SCUBE1: variants seen among roughly 807,000 people sequenced by gnomAD.
SCUBE1 encodes signal peptide, CUB domain and EGF like domain containing 1.
Under a neutral mutation model 124.4 loss-of-function variants are expected in SCUBE1, and 59 were observed. That is an observed-to-expected ratio of 0.47 (90% CI 0.38 to 0.59). SCUBE1 has a LOEUF of 0.59. Among genes scored for constraint, SCUBE1 ranks in the 20% least tolerant of loss-of-function variants. The probability of loss-of-function intolerance (pLI) is 0.00; values close to 1 mark genes in which losing one functional copy is unlikely to be tolerated. For missense variants in SCUBE1, 1,150 were observed against 1,371.2 expected (o/e 0.84, Z 2.55); for synonymous variants, 545 against 550.9 (o/e 0.99, Z 0.15).
At chr22:43,279,653 T>C (rs532125626) in intron 4 of SCUBE1, among the ~76,000 whole-genome samples, 1 of 152,344 alleles carries the variant, frequency 6.6e-6, no homozygotes, top group South Asian at 2.1e-4. Flanking sequence ...CAATCTTTTT[T>C]GCTGACTGAT....
intron 8 of SCUBE1, among the ~76,000 whole-genome samples, chr22:43,229,545 G>T (rs1423307810): frequency 1.3e-5 from 2 of 152,152 alleles, no homozygotes; most frequent in African/African-American, 4.8e-5. Flanking sequence ...TGCAGGAAAC[G>T]GACTGCAGCT....
rs1269057586 is a variant in SCUBE1 at position 43,258,130 on chromosome 22, C to T, written c.727+89G>A. The T allele has an allele frequency of 1.3e-5, 12 of 905,298 alleles. No individual in the cohort carries two copies. Among genetic ancestry groups the T allele is most frequent in the South Asian group, 2.6e-5 (2 of 75,812 alleles). 56.1% of individuals were successfully genotyped at this position (905,298 alleles called of 1,614,324 possible). A position where few individuals can be genotyped will look rare whatever the true frequency, so the allele number is the denominator to read the frequency against. ...GAAGCTTCCTTCCGGGGAACCCGGACGTGGCAGGGTGCTGGCCCTGCTGGT... is the reference window on the plus strand; with the variant it reads ...GAAGCTTCCTTCCGGGGAACCCGGATGTGGCAGGGTGCTGGCCCTGCTGGT... On this transcript the variant is annotated intron_variant, in intron 6 of 21. Transcript: ENST00000360835. The surrounding 1 kb of genome is among the most constrained non-coding windows in gnomAD (Gnocchi z 5.0).
At chr22:43,337,491 G>A (rs1401603408) in intron 2 of SCUBE1, among the ~76,000 whole-genome samples, 5 of 152,164 alleles carry the variant, frequency 3.3e-5, no homozygotes, top group South Asian at 2.1e-4. Flanking sequence ...TCGAACCAGC[G>A]AGCTAACCTC....
intron 1 of SCUBE1, among the ~76,000 whole-genome samples, chr22:43,342,205 AC>A (rs1845018567): frequency 8.0e-6 from 1 of 125,256 alleles, no homozygotes; most frequent in Non-Finnish European, 1.6e-5. Flanking sequence ...GGAGAATGTG[AC>A]TCCAGCTTTT....
At position 43,343,276 on chromosome 22, in the gene SCUBE1, C is replaced by T; in HGVS notation, c.-15G>A. ...GCCGCGCCCATGCTCAATGCGGGCC[C>T]CGCTGGGCGTGCGGGCGTGCGGGGC... is the stretch of plus-strand genomic sequence containing the variant. On this transcript the variant is annotated 5_prime_UTR_variant, in exon 1 of 22. Transcript: ENST00000360835. 9.0e-7 allele frequency: 1 copy of T among 1,112,214 alleles called. No individual in the cohort carries two copies. Among genetic ancestry groups the T allele is most frequent in the Non-Finnish European group, 1.1e-6 (1 of 913,986 alleles). 68.9% of individuals were successfully genotyped at this position (1,112,214 alleles called of 1,614,324 possible).
At chr22:43,274,067 G>C (rs1229162066) in intron 4 of SCUBE1, among the ~76,000 whole-genome samples, 1 of 151,924 alleles carries the variant, frequency 6.6e-6, no homozygotes, top group Admixed American at 6.6e-5. Context: ...AAATTTCCCA[G>C]GCTGGTCACT....
intron 19 of SCUBE1, among the ~76,000 whole-genome samples, chr22:43,209,495 G>A (rs1160223204): frequency 6.6e-6 from 1 of 152,206 alleles, no homozygotes; most frequent in African/African-American, 2.4e-5. Context: ...CCTCTCTCAT[G>A]CCATTCCATC....
chr22:43,222,713 C>CG lies in SCUBE1; in HGVS notation c.1356dup (p.Gly453ArgfsTer77), dbSNP rs1569499857. 1 of 1,605,812 alleles carries CG rather than the reference C, an allele frequency of 6.2e-7. No homozygotes were observed. Among genetic ancestry groups the CG allele is most frequent in the Non-Finnish European group, 8.5e-7 (1 of 1,176,438 alleles). On this transcript the variant is annotated frameshift_variant, in exon 12 of 22. Transcript: ENST00000360835. LOFTEE classifies it high-confidence loss of function. ...GCCTTGCCCTGCGGCCCTGGAACTC[C>CG]GCAGCTCAGGACGTAGCTATTTTCC...
intron 4 of SCUBE1, among the ~76,000 whole-genome samples, chr22:43,271,172 T>G (rs1264226460): frequency 6.6e-6 from 1 of 151,876 alleles, no homozygotes; most frequent in African/African-American, 2.4e-5. Context: ...TCTCCACAAG[T>G]GCCTAGGTTG....
At chr22:43,306,668 C>T (rs1239993147) in intron 3 of SCUBE1, among the ~76,000 whole-genome samples, 1 of 152,262 alleles carries the variant, frequency 6.6e-6, no homozygotes. Flanking sequence ...CCACCATGTG[C>T]CACCTTCCTT....
At chr22:43,331,891 C>T (rs146161905) in intron 2 of SCUBE1, among the ~76,000 whole-genome samples, 56 of 152,164 alleles carry the variant, frequency 3.7e-4, no homozygotes, top group Admixed American at 1.7e-3. Flanking sequence ...CTTAGTTAAA[C>T]GGAGAGGCAA....
At chr22:43,283,639 T>A (rs1223899214) in intron 4 of SCUBE1, 2 of 152,220 alleles carry the variant, frequency 1.3e-5, no homozygotes, top group African/African-American at 4.8e-5. Flanking sequence ...TGGATCCGTA[T>A]GTCATAAATG....
At chr22:43,299,552 T>G (rs1288771368) in intron 3 of SCUBE1, among the ~76,000 whole-genome samples, 1 of 152,188 alleles carries the variant, frequency 6.6e-6, no homozygotes, top group Non-Finnish European at 1.5e-5. Flanking sequence ...GCTGTGCACA[T>G]GGTCTGCTTG....
At chr22:43,254,447 G>A (rs73886532) in intron 6 of SCUBE1, among the ~76,000 whole-genome samples, 3,588 of 152,244 alleles carry the variant, frequency 0.024, 64 homozygotes, top group East Asian at 0.088. Flanking sequence ...TGAGGGCCAC[G>A]AAACAAAGCC....
At chr22:43,287,908 C>T (rs1172777457) in intron 4 of SCUBE1, among the ~76,000 whole-genome samples, 1 of 152,210 alleles carries the variant, frequency 6.6e-6, no homozygotes, top group African/African-American at 2.4e-5. Context: ...ACAACCTGCC[C>T]AGTCCCCAGG....
chr22:43,228,048 A>G (rs1227932293), intron 9 of SCUBE1, among the ~76,000 whole-genome samples: 4 of 152,150 alleles, frequency 2.6e-5, no homozygotes, highest in Non-Finnish European at 4.4e-5. Flanking sequence ...GGGGTGCCCA[A>G]GTTTTCGAGA....
intron 6 of SCUBE1, among the ~76,000 whole-genome samples, chr22:43,252,309 T>C (rs1923483919): frequency 6.6e-6 from 1 of 152,230 alleles, no homozygotes; most frequent in Non-Finnish European, 1.5e-5. Context: ...ATCCCGGCTC[T>C]GTCCTGCCCA....
Position 43,262,836 on chromosome 22 carries a change from T to C in SCUBE1, c.494A>G (p.Asn165Ser). Residue 165 changes from asparagine to serine, a missense_variant, in exon 5 of 22, where the codon AAC becomes AGC. Around this residue, in one of 3 missense-constraint regions of SCUBE1, gnomAD observed 337 missense variants for 482.1 expected, o/e 0.70. Coordinates refer to ENST00000360835, the MANE Select transcript of SCUBE1 (RefSeq NM_173050.5). ...ACAGCCATGGTCTTTGTTCATGCAGTTCATACCCTCTGGGAAGAGAGACAG... is the reference window on the plus strand; with the variant it reads ...ACAGCCATGGTCTTTGTTCATGCAGCTCATACCCTCTGGGAAGAGAGACAG... Reference protein sequence around the residue: ...TCIHRSNEGMNCMNKDHGCAH... With the variant: ...TCIHRSNEGMSCMNKDHGCAH... The C allele has an allele frequency of 6.2e-7, 1 of 1,612,866 alleles. No individual in the cohort carries two copies. The highest frequency in any genetic ancestry group is 8.5e-7 in the Non-Finnish European group (1 of 1,178,878).
chr22:43,229,242 TG>T, intron 8 of SCUBE1, 54 bp from the exon 9 acceptor site: 1 of 689,522 alleles, frequency 1.5e-6, no homozygotes. Flanking sequence ...GAGTGGTGGG[TG>T]GGCACGGCCT....
Sources: gnomAD v4.1 joint callset for allele counts (sites outside exome capture counted in the v4.1 genomes callset) on GRCh38, gnomAD v4.1.1 for gene constraint, gnomAD v4.1.1 regional missense constraint, Gnocchi (gnomAD v3.1) non-coding constraint, MANE v1.5 for transcripts, NCBI Gene and HGNC (gene_info 2026-07-23, HGNC 2026-07-21) for gene names.